THEM5: variants seen among roughly 807,000 people sequenced by gnomAD.
The protein encoded by THEM5 is acyl-coenzyme A thioesterase THEM5.
Under a neutral mutation model 24.2 loss-of-function variants are expected in THEM5, and 28 were observed. The ratio of observed to expected loss-of-function variants is 1.16; its 90% CI spans 0.86 to 1.59. The LOEUF (loss-of-function observed/expected upper bound fraction) is 1.59, where lower values mean the gene tolerates loss of function less well. Ranked by LOEUF, THEM5 falls within the 40% of genes most tolerant of loss-of-function variation. THEM5 has a pLI of 0.00. For synonymous variants in THEM5, 87 were observed against 114.5 expected (o/e 0.76, Z 1.53); for missense variants, 260 against 296.8 (o/e 0.88, Z 0.91).
At chr1:151,852,682 A>G (rs1653162393) in intron 1 of THEM5, among the ~76,000 whole-genome samples, 1 of 152,066 alleles carries the variant, frequency 6.6e-6, no homozygotes, top group Admixed American at 6.5e-5. Flanking sequence ...GCGGGCAGGG[A>G]GTGGGGCCAG....
At chr1:151,852,907 G>C (rs1653166389) in intron 1 of THEM5, among the ~76,000 whole-genome samples, 1 of 152,178 alleles carries the variant, frequency 6.6e-6, no homozygotes, top group Non-Finnish European at 1.5e-5. Flanking sequence ...AGTTGTTGAG[G>C]ACCATTCTAG....
At chr1:151,849,144 G>A (rs1239039661) in intron 3 of THEM5, among the ~76,000 whole-genome samples, 10 of 151,896 alleles carry the variant, frequency 6.6e-5, no homozygotes, top group African/African-American at 1.9e-4. Context: ...GATTGAACCC[G>A]GTGGGTGGAG....
intron 3 of THEM5, 51 bp downstream of exon 3, chr1:151,851,002 C>T (rs1421781409): frequency 1.2e-6 from 2 of 1,608,568 alleles, no homozygotes; most frequent in Non-Finnish European, 8.5e-7. Context: ...GCTGAACCTG[C>T]CCTGCTGAGC....
At position 151,851,088 on chromosome 1, in the gene THEM5, A is replaced by G. The variant is rs981452991; in HGVS notation, c.429T>C (p.Leu143=). Residue 143 remains leucine (L), a synonymous_variant, in exon 3 of 6, where the codon CTT becomes CTC. Coordinates refer to ENST00000368817, the MANE Select transcript of THEM5 (RefSeq NM_182578.4). ...FQPTQKKSVC[L]FQPGSYLEGP... ...CCTCCAGGTAGGAGCCTGGTTGGAA[A>G]AGACAGACCGACTTCTTCTGGGTTG... is the stretch of plus-strand genomic sequence containing the variant. The G allele has an allele frequency of 1.2e-6, 2 of 1,614,204 alleles. No individual in the cohort carries two copies. Among genetic ancestry groups the G allele is most frequent in the South Asian group, 2.2e-5 (2 of 91,078 alleles).
chr1:151,847,887 A>C, intron 4 of THEM5, 25 bp from the exon 5 acceptor site: 1 of 1,613,438 alleles, frequency 6.2e-7, no homozygotes, highest in Non-Finnish European at 8.5e-7. Context: ...AGCTTAGCCC[A>C]TCTCTCATGT....
chr1:151,852,136 G>A, intron 2 of THEM5, 122 bp downstream of exon 2: 1 of 933,694 alleles, frequency 1.1e-6, no homozygotes, highest in Non-Finnish European at 1.7e-6. Context: ...CAGCATCAGG[G>A]GTGGAGTTGG....
chr1:151,848,740 T>A (rs1653023018), intron 3 of THEM5, among the ~76,000 whole-genome samples: 1 of 152,218 alleles, frequency 6.6e-6, no homozygotes, highest in African/African-American at 2.4e-5. Flanking sequence ...TACCAGTCAC[T>A]ACAGCCAGTG....
At chr1:151,851,982 C>T (rs187158005) in intron 2 of THEM5, among the ~76,000 whole-genome samples, 45 of 152,134 alleles carry the variant, frequency 3.0e-4, no homozygotes, top group African/African-American at 9.9e-4. Flanking sequence ...AGTGAGAAGT[C>T]GGGGCAGGAG....
At chr1:151,847,498 A>G in intron 5 of THEM5, 84 bp from the exon 6 acceptor site, 1 of 1,560,096 alleles carries the variant, frequency 6.4e-7, no homozygotes, top group Non-Finnish European at 8.8e-7. Flanking sequence ...TTGGCTGCAA[A>G]TTACCCATTA....
chr1:151,852,267 C>A lies in THEM5; in HGVS notation c.316G>T (p.Val106Phe). The A allele has an allele frequency of 2.5e-6, 4 of 1,613,464 alleles. No homozygotes were observed. Among genetic ancestry groups the A allele is most frequent in the Non-Finnish European group, 3.4e-6 (4 of 1,179,994 alleles). Reference sequence around the variant, plus strand: ...ATGGTCCTGTCCTTACCTGAGGAAACTGCCAGTCCAGATGGGAGCTTGAGT... The same window carrying A: ...ATGGTCCTGTCCTTACCTGAGGAAAATGCCAGTCCAGATGGGAGCTTGAGT... ...RGLKLPSGLA[V>F]SSDKGDCRIF... The change falls in exon 2 of 6, where the codon GTT (valine) becomes TTT (phenylalanine). Residue 106 changes from valine (V) to phenylalanine (F), a missense_variant. Coordinates refer to ENST00000368817, the MANE Select transcript of THEM5 (RefSeq NM_182578.4).
chr1:151,848,058 T>C lies in THEM5; in HGVS notation c.575+124A>G. 3 of 1,424,746 alleles carry C rather than the reference T, an allele frequency of 2.1e-6. No individual in the cohort carries two copies. In the Admixed American group the frequency reaches 5.4e-5, roughly 26 times the overall value. The allele number at this position is 1,424,746 out of a possible 1,614,324, so 88.3% of individuals were successfully genotyped here. A position where few individuals can be genotyped will look rare whatever the true frequency, so the allele number is the denominator to read the frequency against. On this transcript the variant is annotated intron_variant, in intron 4 of 5. Transcript: ENST00000368817. ...CCTGGCCAGGGACTAGAGGAATTGCTTGGGAGTGGGCTGGGGAAGGAGAGT... is the reference window on the plus strand; with the variant it reads ...CCTGGCCAGGGACTAGAGGAATTGCCTGGGAGTGGGCTGGGGAAGGAGAGT...
At position 151,847,467 on chromosome 1, in the gene THEM5, C is replaced by T. The variant is rs551035638; in HGVS notation, c.701-53G>A. ...AAGAGCTGCACTGAGATGGCTGGAG[C>T]TTGATGGACACTCTGAGCATTTGGC... On this transcript the variant is annotated intron_variant, in intron 5 of 5. Transcript: ENST00000368817. 1.9e-6 allele frequency: 3 copies of T among 1,609,572 alleles called. No individual in the cohort carries two copies. In the East Asian group the frequency reaches 6.7e-5, roughly 36 times the overall value.
At chr1:151,852,145 G>A in intron 2 of THEM5, 113 bp downstream of exon 2, 1 of 1,056,174 alleles carries the variant, frequency 9.5e-7, no homozygotes, top group Middle Eastern at 3.0e-4. Context: ...GGGTGGAGTT[G>A]GACAGCAGGA....
At position 151,853,691 on chromosome 1, in the gene THEM5, C is replaced by T. The variant is rs537399349; in HGVS notation, c.-126G>A. 1.6e-5 allele frequency: 21 copies of T among 1,322,234 alleles called. No individual in the cohort carries two copies. The highest frequency in any genetic ancestry group is 1.5e-4 in the African/African-American group (10 of 67,200). 81.9% of individuals were successfully genotyped at this position (1,322,234 alleles called of 1,614,324 possible). ...GCAGGCTTTCTTTCAGAGAGCTAGG[C>T]GAGGCTGGGCTGGTGTGCTGCAACA... On this transcript the variant is annotated 5_prime_UTR_variant, in exon 1 of 6. Transcript: ENST00000368817.
chr1:151,851,019 C>T (rs1216756457), intron 3 of THEM5, 34 bp downstream of exon 3: 3 of 1,612,918 alleles, frequency 1.9e-6, no homozygotes, highest in Admixed American at 1.7e-5. Context: ...GAGCCAAGCC[C>T]AGGAGGCAGC....
At chr1:151,853,096 A>G (rs998501) in intron 1 of THEM5, among the ~76,000 whole-genome samples, 23,234 of 152,236 alleles carry the variant, frequency 0.15, 2,505 homozygotes, top group South Asian at 0.42. Context: ...CTGCTCATAC[A>G]CCAGTCACAA....
chr1:151,847,794 T>C lies in THEM5; in HGVS notation c.644A>G (p.Tyr215Cys), dbSNP rs778176144. ...ELDKIEDQKL[Y>C]MSCIAHSRDQ... ...TCTGCTGTGGGCGATGCAGGACATG[T>C]AAAGCTTCTGGTCCTCAATCTTGTC... Residue 215 changes from tyrosine to cysteine, a missense_variant, in exon 5 of 6, where the codon TAC (tyrosine) becomes TGC (cysteine). By Grantham distance (194) the Tyr-to-Cys change is radical (BLOSUM62 -2). Transcript: ENST00000368817. 2 of 1,613,900 alleles carry C rather than the reference T, an allele frequency of 1.2e-6. No homozygotes were observed. Among genetic ancestry groups the C allele is most frequent in the Non-Finnish European group, 1.7e-6 (2 of 1,180,026 alleles).
rs1176660509 is a variant in THEM5, at chr1:151,852,279, A to G, written c.304T>C (p.Ser102Pro). 6.2e-7 allele frequency: 1 copy of G among 1,613,586 alleles called. No individual in the cohort carries two copies. Among genetic ancestry groups the G allele is most frequent in the Non-Finnish European group, 8.5e-7 (1 of 1,179,992 alleles). Residue 102 changes from serine (S) to proline (P), a missense_variant, in exon 2 of 6, where the codon TCT becomes CCT. Physicochemically the swap from Ser to Pro is moderately conservative, Grantham distance 74 (BLOSUM62 -1). Coordinates refer to ENST00000368817, the MANE Select transcript of THEM5 (RefSeq NM_182578.4). The stretch of plus-strand genomic sequence containing the variant: ...TTACCTGAGGAAACTGCCAGTCCAG[A>G]TGGGAGCTTGAGTCCCCGGATGTGG... ...RDHIRGLKLP[S>P]GLAVSSDKGD...
rs112273666 is a variant in THEM5, at chr1:151,847,147, C to T, written c.*224G>A. The T allele has an allele frequency of 1.2e-4, 87 of 735,102 alleles. No individual in the cohort carries two copies. The highest frequency in any genetic ancestry group is 1.7e-4 in the African/African-American group (10 of 57,668). The allele number at this position is 735,102 out of a possible 1,614,324, so 45.5% of individuals were successfully genotyped here. Reference sequence around the variant, plus strand: ...ACTCAGAGAAAAGGGTCCTTTCCCTCGCCTCACCAATTGCTGCTTGAGGAC... The same window carrying T: ...ACTCAGAGAAAAGGGTCCTTTCCCTTGCCTCACCAATTGCTGCTTGAGGAC... On this transcript the variant is annotated 3_prime_UTR_variant, in exon 6 of 6. Coordinates refer to ENST00000368817, the MANE Select transcript of THEM5 (RefSeq NM_182578.4).
Sources: allele counts gnomAD v4.1 joint callset (sites outside exome capture counted in the v4.1 genomes callset), GRCh38; gene constraint gnomAD v4.1.1; transcripts MANE v1.5; gene names NCBI Gene and HGNC (gene_info 2026-07-23, HGNC 2026-07-21).